The following SLC5A10 variants were observed in gnomAD, a reference collection of about 807,000 sequenced individuals.
SLC5A10 encodes the protein sodium/mannose cotransporter SLC5A10.
A neutral mutation model predicts 68.9 loss-of-function variants in SLC5A10; 55 were observed. The observed-to-expected ratio is 0.80, with a 90% CI of 0.64 to 1.00. The LOEUF is 1.00. SLC5A10 is among the 50% of genes least tolerant of loss of function. SLC5A10 has a pLI of 0.00. For missense variants in SLC5A10, 732 were observed against 819.3 expected (o/e 0.89, Z 1.30); for synonymous variants, 344 against 344.8 (o/e 1.00, Z 0.02).
chr17:18,975,012 C>T (rs570890555), intron 8 of SLC5A10, among the ~76,000 whole-genome samples: 2 of 152,348 alleles, frequency 1.3e-5, no homozygotes, highest in East Asian at 3.9e-4. Flanking sequence ...TGAGCCTCAG[C>T]TTCTCTACTT....
intron 5 of SLC5A10, among the ~76,000 whole-genome samples, chr17:18,964,144 A>C (rs2042666451): frequency 6.7e-6 from 1 of 148,298 alleles, no homozygotes; most frequent in African/African-American, 2.5e-5. Context: ...TCCTCTCTCT[A>C]CCCCCATGGA....
intron 9 of SLC5A10, among the ~76,000 whole-genome samples, chr17:18,985,584 C>G (rs1324317220): frequency 1.3e-5 from 2 of 152,158 alleles, no homozygotes; most frequent in Non-Finnish European, 2.9e-5. Context: ...GGGAGGTAGG[C>G]AGGGAAGGCA....
rs2042995579 is a variant in SLC5A10 at position 18,976,964 on chromosome 17, C to A, written c.957C>A (p.Gly319=). The A allele has an allele frequency of 1.2e-6, 2 of 1,612,990 alleles. No individual in the cohort carries two copies. The highest frequency in any genetic ancestry group is 1.1e-5 in the South Asian group (1 of 91,062). Residue 319 remains glycine, a synonymous_variant, in exon 9 of 15, where the codon GGC becomes GGA. Coordinates refer to ENST00000395645, the MANE Select transcript of SLC5A10 (RefSeq NM_001042450.4). ...MLPMGLIIMP[G]MISRALFPDD... ...CCATGGGCCTGATCATCATGCCGGG[C>A]ATGATCAGCCGCGCATTGTTCCCAG...
At chr17:19,010,658 A>T (rs946717852) in intron 9 of SLC5A10, among the ~76,000 whole-genome samples, 8 of 151,826 alleles carry the variant, frequency 5.3e-5, no homozygotes, top group Non-Finnish European at 7.4e-5. Context: ...TTTCTGAAAC[A>T]TATATGGCTG....
intron 9 of SLC5A10, chr17:18,979,825 G>C: frequency 1.1e-6 from 1 of 876,082 alleles, no homozygotes; most frequent in Non-Finnish European, 1.8e-6. Context: ...AGGGGCTGGT[G>C]TGTCTGGGAC....
intron 9 of SLC5A10, chr17:18,978,548 G>T: frequency 1.9e-6 from 3 of 1,613,260 alleles, no homozygotes; most frequent in Non-Finnish European, 2.5e-6. Context: ...CAGCCCCAGG[G>T]GCTTCTTGGC....
rs193259546 is a variant in SLC5A10, at chr17:18,974,046, T to A, written c.847-2808T>A. Among the ~76,000 whole-genome samples, 842 of 152,140 alleles carry A rather than the reference T, an allele frequency of 5.5e-3. 3 individuals are homozygous for A. The highest frequency in any genetic ancestry group is 0.01 in the Admixed American group (159 of 15,272). ...TAGTTGGGATTACAAGCGTGTACCA[T>A]CATGCCCGGCTAATTTTTGTATTTT... On this transcript the variant is annotated intron_variant, in intron 8 of 14. Transcript: ENST00000395645.
At position 18,964,768 on chromosome 17, in the gene SLC5A10, G is replaced by A. The variant is rs181631230; in HGVS notation, c.453+4116G>A. 1.8e-3 allele frequency among the ~76,000 whole-genome samples: 281 copies of A among 152,270 alleles called. 2 individuals carry two copies. Among genetic ancestry groups the A allele is most frequent in the Non-Finnish European group, 9.4e-4 (64 of 68,022 alleles). The stretch of plus-strand genomic sequence containing the variant: ...TGGAGGGGCAGCAATGACCAAGAGC[G>A]GAGAGGCAGTGGGGACCACGCAGAG... On this transcript the variant is annotated intron_variant, in intron 5 of 14. Transcript: ENST00000395645.
At chr17:18,950,825 C>T (rs536839612), upstream of SLC5A10, 34 of 314,468 alleles carry the variant, frequency 1.1e-4, no homozygotes, top group Middle Eastern at 1.6e-3. Context: ...AAGCAATTCT[C>T]CTGCCTCAGC....
intron 9 of SLC5A10, chr17:18,978,016 G>C (rs1266435283): frequency 6.5e-7 from 1 of 1,546,340 alleles, no homozygotes; most frequent in South Asian, 1.2e-5. Flanking sequence ...GTGGGGCGTG[G>C]CCTGGGCCTG....
At chr17:18,953,008 C>T (rs1465501394) in intron 1 of SLC5A10, among the ~76,000 whole-genome samples, 1 of 152,110 alleles carries the variant, frequency 6.6e-6, no homozygotes, top group Non-Finnish European at 1.5e-5. Context: ...CAGCCTGGTT[C>T]AGGTCACCTG....
intron 9 of SLC5A10, among the ~76,000 whole-genome samples, chr17:18,998,710 G>A (rs1169994647): frequency 6.6e-6 from 1 of 152,230 alleles, no homozygotes; most frequent in African/African-American, 2.4e-5. Context: ...GGAGCGCACA[G>A]GAGTTAACAC....
At position 18,971,958 on chromosome 17, in the gene SLC5A10, G is replaced by A. The variant is rs921554048; in HGVS notation, c.846+740G>A. On this transcript the variant is annotated intron_variant, in intron 8 of 14. Transcript: ENST00000395645. The surrounding 1 kb of genome is among the most constrained non-coding windows in gnomAD (Gnocchi z 5.5). ...TATGGGAATAATCCTGCCCTTTGTG[G>A]GTGTAGCAAGGCAGCTTCCTCCCAG... Among the ~76,000 whole-genome samples the A allele has an allele frequency of 6.6e-6, 1 of 152,182 alleles. No individual in the cohort carries two copies. The highest frequency in any genetic ancestry group is 1.9e-4 in the East Asian group (1 of 5,186).
intron 9 of SLC5A10, among the ~76,000 whole-genome samples, chr17:18,994,711 G>C (rs565616818): frequency 6.6e-6 from 1 of 152,312 alleles, no homozygotes; most frequent in Non-Finnish European, 1.5e-5. Flanking sequence ...TACTGCCTCA[G>C]CAGTTGACAA....
Position 18,977,544 on chromosome 17 carries a change from A to C in SLC5A10, c.982+555A>C, listed in dbSNP as rs201854204. 456 of 1,573,146 alleles carry C rather than the reference A, an allele frequency of 2.9e-4. 1 individual carries two copies. The African/African-American group carries it at 5.7e-3, about 20-fold the overall frequency. Reference sequence around the variant, plus strand: ...TCGAGCTCTTGGGTGGCTGGCAGGGAGGGACTCGTGACCCCTGGTGTGCAG... The same window carrying C: ...TCGAGCTCTTGGGTGGCTGGCAGGGCGGGACTCGTGACCCCTGGTGTGCAG... On this transcript the variant is annotated intron_variant, in intron 9 of 14. Transcript: ENST00000395645.
chr17:18,989,948 C>T (rs1422126125), intron 9 of SLC5A10, among the ~76,000 whole-genome samples: 2 of 152,194 alleles, frequency 1.3e-5, no homozygotes, highest in African/African-American at 2.4e-5. Flanking sequence ...AGAGAGTGGT[C>T]CCCCCAGAGC....
rs1198700991 is a variant in SLC5A10 at position 18,968,023 on chromosome 17, C to T, written c.454-1029C>T. On this transcript the variant is annotated intron_variant, in intron 5 of 14. Transcript: ENST00000395645. The surrounding 1 kb of genome is among the most constrained non-coding windows in gnomAD (Gnocchi z 4.1). ...TCTCTCTAAGACAGGTTGAGAGAGG[C>T]GCCTGGAGGGAGAGGTACAGGAAGC... Among the ~76,000 whole-genome samples, 5 of 152,168 alleles carry T rather than the reference C, an allele frequency of 3.3e-5. No homozygotes were observed. The highest frequency in any genetic ancestry group is 7.3e-5 in the Non-Finnish European group (5 of 68,036).
At chr17:19,013,924 A>G (rs2472708) in intron 10 of SLC5A10, among the ~76,000 whole-genome samples, 107,603 of 151,940 alleles carry the variant, frequency 0.71, 40,978 homozygotes, top group Non-Finnish European at 0.87. Flanking sequence ...AAGTTCATCC[A>G]TCTCCATGAG....
intron 9 of SLC5A10, among the ~76,000 whole-genome samples, chr17:19,005,322 G>A (rs2152145020): frequency 6.6e-6 from 1 of 152,320 alleles, no homozygotes; most frequent in South Asian, 2.1e-4. Flanking sequence ...TGAACCCTAG[G>A]GCAGGGAGGG....
Sources: allele counts gnomAD v4.1 joint callset (sites outside exome capture counted in the v4.1 genomes callset), GRCh38; gene constraint gnomAD v4.1.1; non-coding constraint Gnocchi (gnomAD v3.1); transcripts MANE v1.5; gene names NCBI Gene and HGNC (gene_info 2026-07-23, HGNC 2026-07-21).